The following FMN2 variants were observed in gnomAD, a reference collection of about 807,000 sequenced individuals.
The protein encoded by FMN2 is formin-2.
FMN2 carries 51 observed loss-of-function variants against 142.3 expected under a neutral mutation model. The observed-to-expected ratio is 0.36, with a 90% CI of 0.29 to 0.45. The LOEUF is 0.45. Among genes scored for constraint, FMN2 ranks in the 20% least tolerant of loss-of-function variants. The pLI is 1.00. For missense variants in FMN2, 1,936 were observed against 2,122.8 expected (o/e 0.91, Z 1.73); for synonymous variants, 882 against 869.8 (o/e 1.01, Z -0.25).
intron 13 of FMN2, among the ~76,000 whole-genome samples, chr1:240,337,652 AGTGGGAT>A (rs1671609923): frequency 6.6e-6 from 1 of 152,220 alleles, no homozygotes; most frequent in African/African-American, 2.4e-5. Flanking sequence ...TAGAATAAGC[AGTGGGAT>A]TAGTTTGATA....
intron 2 of FMN2, among the ~76,000 whole-genome samples, chr1:240,161,494 C>G (rs1308381029): frequency 6.6e-6 from 1 of 151,218 alleles, no homozygotes; most frequent in Admixed American, 6.6e-5. Context: ...CATTGTGCCA[C>G]TGCACTCCAG....
intron 14 of FMN2, among the ~76,000 whole-genome samples, chr1:240,390,023 C>T (rs781433516): frequency 7.2e-5 from 11 of 152,166 alleles, no homozygotes; most frequent in Non-Finnish European, 1.2e-4. Context: ...AAAAGGGTAT[C>T]TCTGTTTTTC....
At chr1:240,241,146 C>A (rs1369565430) in intron 6 of FMN2, among the ~76,000 whole-genome samples, 1 of 151,704 alleles carries the variant, frequency 6.6e-6, no homozygotes, top group African/African-American at 2.4e-5. Flanking sequence ...AGAATAAAAA[C>A]TTTAATAAAA....
At chr1:240,410,330 C>T (rs1034978744) in intron 15 of FMN2, among the ~76,000 whole-genome samples, 25 of 152,140 alleles carry the variant, frequency 1.6e-4, no homozygotes, top group Non-Finnish European at 3.1e-4. Flanking sequence ...GTTTGAAATT[C>T]CTCTCTGAGT....
At chr1:240,399,546 T>C (rs891940973) in intron 15 of FMN2, among the ~76,000 whole-genome samples, 1 of 152,164 alleles carries the variant, frequency 6.6e-6, no homozygotes, top group Admixed American at 6.5e-5. Flanking sequence ...GTAATGAAGA[T>C]AGGAGCTTCC....
intron 8 of FMN2, among the ~76,000 whole-genome samples, chr1:240,307,446 T>G (rs1670449294): frequency 6.6e-6 from 1 of 152,318 alleles, no homozygotes; most frequent in South Asian, 2.1e-4. Flanking sequence ...GTGGTCCGGT[T>G]TCATTCTTCT....
At chr1:240,445,478 CA>C (rs1675773532) in intron 16 of FMN2, among the ~76,000 whole-genome samples, 1 of 152,088 alleles carries the variant, frequency 6.6e-6, no homozygotes, top group Non-Finnish European at 1.5e-5. Context: ...GGAACAGCCC[CA>C]TGAAGGGGCA....
intron 6 of FMN2, among the ~76,000 whole-genome samples, chr1:240,215,977 G>A (rs1300739326): frequency 6.6e-6 from 1 of 152,146 alleles, no homozygotes; most frequent in African/African-American, 2.4e-5. Context: ...CCAAAGTGCT[G>A]GGATTACAGG....
intron 16 of FMN2, among the ~76,000 whole-genome samples, chr1:240,468,184 G>A (rs1676682586): frequency 6.9e-6 from 1 of 145,942 alleles, no homozygotes; most frequent in Non-Finnish European, 1.5e-5. Context: ...TTGTGTGAAT[G>A]CATCCACTAA....
At chr1:240,180,327 A>C (rs909285742) in intron 3 of FMN2, 1 of 366,544 alleles carries the variant, frequency 2.7e-6, no homozygotes, top group African/African-American at 2.2e-5. Context: ...TTGGAGAGAC[A>C]CTTCCATGAG....
At chr1:240,143,936 GA>G in intron 2 of FMN2, 1 of 1,491,516 alleles carries the variant, frequency 6.7e-7, no homozygotes, top group Non-Finnish European at 9.4e-7. Flanking sequence ...CCCAAAGATG[GA>G]ACCAAGTCTC....
chr1:240,416,550 G>A (rs1182128705), intron 15 of FMN2, among the ~76,000 whole-genome samples: 2 of 152,092 alleles, frequency 1.3e-5, no homozygotes, highest in African/African-American at 2.4e-5. Flanking sequence ...GATTACAGGC[G>A]TGAGCCACCA....
chr1:240,259,841 G>A lies in FMN2; in HGVS notation c.4153+1809G>A, dbSNP rs188891863. ...TTTAGTGGTGATCTGAGATTTTGGT[G>A]CACACATCACCCAAGCAGTATACAC... is the stretch of plus-strand genomic sequence containing the variant. On this transcript the variant is annotated intron_variant, in intron 7 of 17. Transcript: ENST00000319653. 9.8e-4 allele frequency among the ~76,000 whole-genome samples: 149 copies of A among 152,178 alleles called. 1 individual carries two copies. The highest frequency in any genetic ancestry group is 3.1e-4 in the Non-Finnish European group (21 of 68,014).
chr1:240,395,270 C>G (rs1673736577), intron 15 of FMN2, among the ~76,000 whole-genome samples: 1 of 152,176 alleles, frequency 6.6e-6, no homozygotes, highest in Admixed American at 6.5e-5. Context: ...TCTCATGGAC[C>G]ATGCACTTGG....
chr1:240,363,177 G>A (rs1273398874), intron 14 of FMN2, among the ~76,000 whole-genome samples: 6 of 152,146 alleles, frequency 3.9e-5, no homozygotes, highest in Admixed American at 6.5e-5. Flanking sequence ...CTTTATGCAG[G>A]GTGAGCATGT....
At chr1:240,265,918 T>TG (rs1668780570) in intron 7 of FMN2, among the ~76,000 whole-genome samples, 1 of 21,108 alleles carries the variant, frequency 4.7e-5, no homozygotes, top group South Asian at 1.0e-3. Context: ...AAGGGGTTTG[T>TG]TTTTTTTTTT....
intron 7 of FMN2, among the ~76,000 whole-genome samples, chr1:240,258,245 T>C (rs992159517): frequency 1.3e-5 from 2 of 152,218 alleles, no homozygotes; most frequent in Non-Finnish European, 2.9e-5. Flanking sequence ...TTACTAACAG[T>C]CTAATTATCA....
chr1:240,182,433 A>C (rs1002842103), intron 3 of FMN2, among the ~76,000 whole-genome samples: 3 of 152,204 alleles, frequency 2.0e-5, no homozygotes, highest in African/African-American at 7.2e-5. Flanking sequence ...TCTGGTAGAA[A>C]TATGGTAGCT....
chr1:240,314,673 A>G (rs968721330), intron 8 of FMN2, among the ~76,000 whole-genome samples: 5 of 152,130 alleles, frequency 3.3e-5, no homozygotes, highest in African/African-American at 1.2e-4. Context: ...TTCAGTTCTA[A>G]ATGTAAACCT....
Sources: gnomAD v4.1 joint callset for allele counts (sites outside exome capture counted in the v4.1 genomes callset) on GRCh38, gnomAD v4.1.1 for gene constraint, MANE v1.5 for transcripts, NCBI Gene and HGNC (gene_info 2026-07-23, HGNC 2026-07-21) for gene names.